CACNA1A: variants seen among roughly 807,000 people sequenced by gnomAD.
CACNA1A encodes calcium voltage-gated channel subunit alpha1 A, also known as voltage-dependent P/Q-type calcium channel subunit alpha-1A.
CACNA1A carries 57 observed loss-of-function variants against 262.4 expected under a neutral mutation model. That is an observed-to-expected ratio of 0.22 (90% CI 0.18 to 0.27). The LOEUF is 0.27. CACNA1A is among the 10% of genes least tolerant of loss of function. CACNA1A has a pLI of 1.00. For synonymous variants in CACNA1A, 1,431 were observed against 1,419.3 expected (o/e 1.01, Z -0.18); for missense variants, 2,526 against 3,562.8 (o/e 0.71, Z 7.41).
At chr19:13,437,272 T>C (rs1195358174) in intron 3 of CACNA1A, among the ~76,000 whole-genome samples, 1 of 152,194 alleles carries the variant, frequency 6.6e-6, no homozygotes, top group East Asian at 1.9e-4. Flanking sequence ...TTGAAGATGA[T>C]AAGCTATGTA....
Position 13,286,510 on chromosome 19 carries a change from G to A in CACNA1A, c.3546C>T (p.Val1182=), listed in dbSNP as rs16029. 0.019 allele frequency: 26,453 copies of A among 1,368,834 alleles called. 341 individuals are homozygous for A. Among genetic ancestry groups the A allele is most frequent in the Non-Finnish European group, 0.022 (21,889 of 1,002,934 alleles). The allele number at this position is 1,368,834 out of a possible 1,614,324, so 84.8% of individuals were successfully genotyped here. Residue 1182 remains valine (V), a synonymous_variant, in exon 20 of 47, where the codon GTC becomes GTT. Coordinates refer to ENST00000360228, the MANE Select transcript of CACNA1A (RefSeq NM_001127222.2). The stretch of plus-strand genomic sequence containing the variant: ...GAGAGCAGAGGGTCTCACCTTGTAC[G>A]ACGGTGTGGTTGAGGGGGGGTGGGC... ...PACPPPLNHT[V]VQVNKNANPD...
chr19:13,497,215 G>A (rs1003314799), intron 1 of CACNA1A, among the ~76,000 whole-genome samples: 36 of 151,970 alleles, frequency 2.4e-4, no homozygotes, highest in African/African-American at 8.7e-4. Flanking sequence ...CTTAGCTCCT[G>A]CCATAAATGC....
chr19:13,324,372 G>GTATT (rs1367519119), intron 10 of CACNA1A, among the ~76,000 whole-genome samples: 1 of 152,068 alleles, frequency 6.6e-6, no homozygotes, highest in Non-Finnish European at 1.5e-5. Flanking sequence ...ACATTATTGT[G>GTATT]TATTTATATT....
chr19:13,444,153 C>T (rs184148103), intron 3 of CACNA1A, among the ~76,000 whole-genome samples: 1 of 152,224 alleles, frequency 6.6e-6, no homozygotes, highest in East Asian at 1.9e-4. Context: ...ATAAAAAGAT[C>T]GATGCTCTCT....
Position 13,207,935 on chromosome 19 carries a change from G to T in CACNA1A, c.6899C>A (p.Ser2300Tyr). 1.5e-6 allele frequency: 2 copies of T among 1,357,660 alleles called. No individual in the cohort carries two copies. The allele number at this position is 1,357,660 out of a possible 1,614,324, so 84.1% of individuals were successfully genotyped here. Residue 2300 changes from serine to tyrosine, a missense_variant, in exon 47 of 47, where the codon TCC (serine) becomes TAC (tyrosine). Ser to Tyr is a moderately radical substitution (Grantham distance 144, BLOSUM62 -2). Coordinates refer to ENST00000360228, the MANE Select transcript of CACNA1A (RefSeq NM_001127222.2). The surrounding 1 kb of genome is among the most constrained non-coding windows in gnomAD (Gnocchi z 5.7). ...GCCGCCGGCCTTACGGATCACAGGG[G>T]AATAGGACACGTGTGGCCGGGGGGT... ...PSTPRPHVSY[S>Y]PVIRKAGGSG...
chr19:13,322,851 C>T (rs1353470689), intron 10 of CACNA1A, among the ~76,000 whole-genome samples: 1 of 152,156 alleles, frequency 6.6e-6, no homozygotes, highest in African/African-American at 2.4e-5. Flanking sequence ...GATTTAGGAC[C>T]CACCCTAATT....
chr19:13,402,015 T>C (rs1205311418), intron 3 of CACNA1A, among the ~76,000 whole-genome samples: 1 of 152,232 alleles, frequency 6.6e-6, no homozygotes, highest in Non-Finnish European at 1.5e-5. Flanking sequence ...CACTCATGCA[T>C]ACTCTTAAGC....
intron 1 of CACNA1A, among the ~76,000 whole-genome samples, chr19:13,492,136 G>C (rs190070815): frequency 1.3e-4 from 20 of 152,200 alleles, no homozygotes; most frequent in Non-Finnish European, 1.9e-4. Context: ...AGGCAGCCAG[G>C]CTCCACAGCC....
At chr19:13,469,918 C>T (rs2061321051) in intron 1 of CACNA1A, among the ~76,000 whole-genome samples, 1 of 152,024 alleles carries the variant, frequency 6.6e-6, no homozygotes, top group Non-Finnish European at 1.5e-5. Flanking sequence ...CACTTTCTTG[C>T]CTCCTGTTTC....
intron 1 of CACNA1A, among the ~76,000 whole-genome samples, chr19:13,459,850 C>A (rs1477028486): frequency 6.6e-6 from 1 of 152,154 alleles, no homozygotes; most frequent in Non-Finnish European, 1.5e-5. Context: ...GTCCACCATG[C>A]AGCATGCAGC....
chr19:13,311,666 T>A (rs1301494168), intron 12 of CACNA1A, among the ~76,000 whole-genome samples: 2 of 151,328 alleles, frequency 1.3e-5, no homozygotes, highest in Non-Finnish European at 3.0e-5. Context: ...TGAAACCCCA[T>A]CTCTACTAAA....
chr19:13,276,767 G>A (rs1208301233), intron 23 of CACNA1A, among the ~76,000 whole-genome samples: 6 of 144,060 alleles, frequency 4.2e-5, no homozygotes, highest in South Asian at 2.2e-4. Context: ...GCAAGATCTC[G>A]GCTCACTGCA....
chr19:13,253,958 C>T (rs532358681), intron 29 of CACNA1A, among the ~76,000 whole-genome samples: 21 of 150,578 alleles, frequency 1.4e-4, no homozygotes, highest in African/African-American at 4.4e-4. Context: ...CAGTTGGTCC[C>T]GAACACCTGG....
chr19:13,267,891 C>A (rs1227193452), intron 24 of CACNA1A, among the ~76,000 whole-genome samples: 1 of 151,920 alleles, frequency 6.6e-6, no homozygotes, highest in Non-Finnish European at 1.5e-5. Context: ...GGTGATTCTC[C>A]CACCTTAGCC....
intron 31 of CACNA1A, 117 bp downstream of exon 31, chr19:13,245,065 C>T: frequency 1.2e-6 from 1 of 854,484 alleles, no homozygotes. Flanking sequence ...TGGCCAAGTG[C>T]TGGCTCAAGC....
intron 31 of CACNA1A, chr19:13,235,999 G>GGAAAA: frequency 2.7e-6 from 1 of 365,106 alleles, no homozygotes; most frequent in Non-Finnish European, 4.9e-6. Flanking sequence ...CCCACAATGG[G>GGAAAA]GAAAAGAAAA....
intron 5 of CACNA1A, among the ~76,000 whole-genome samples, chr19:13,361,873 T>C (rs967319180): frequency 5.3e-5 from 8 of 152,208 alleles, no homozygotes; most frequent in African/African-American, 1.9e-4. Flanking sequence ...TCGTTTAGCA[T>C]GGCACCTGTG....
At chr19:13,368,054 C>T (rs1399106477) in intron 4 of CACNA1A, among the ~76,000 whole-genome samples, 3 of 152,128 alleles carry the variant, frequency 2.0e-5, no homozygotes, top group Non-Finnish European at 2.9e-5. Flanking sequence ...GTGGCTCACA[C>T]CTGTAATCCC....
chr19:13,303,671 G>GT, intron 16 of CACNA1A, 58 bp from the exon 17 acceptor site: 1 of 1,579,690 alleles, frequency 6.3e-7, no homozygotes, highest in Non-Finnish European at 8.7e-7. Context: ...TGGGCCCTGG[G>GT]TATCTGGGTC....
Sources: gnomAD v4.1 joint callset for allele counts (sites outside exome capture counted in the v4.1 genomes callset) on GRCh38, gnomAD v4.1.1 for gene constraint, Gnocchi (gnomAD v3.1) non-coding constraint, MANE v1.5 for transcripts, NCBI Gene and HGNC (gene_info 2026-07-23, HGNC 2026-07-21) for gene names.